Variants in ZNF638 observed in about 807,000 individuals in gnomAD.
ZNF638 encodes CTCL tumor antigen se33-1.
In ZNF638, 46 loss-of-function variants were observed where a neutral mutation model predicts 195.6. The observed-to-expected ratio is 0.24, with a 90% confidence interval of 0.19 to 0.30. ZNF638 has a LOEUF of 0.30. Ranked by LOEUF, ZNF638 falls within the 10% of genes least tolerant of loss-of-function variation. ZNF638 has a pLI of 1.00. For missense variants in ZNF638, 2,440 were observed against 2,325.3 expected (o/e 1.05, Z -1.01); for synonymous variants, 845 against 772.0 (o/e 1.09, Z -1.57).
intron 20 of ZNF638, among the ~76,000 whole-genome samples, chr2:71,410,992 C>CTCT (rs2080207335): frequency 4.1e-5 from 1 of 24,506 alleles, no homozygotes; most frequent in Non-Finnish European, 7.7e-5. Flanking sequence ...CTCCCCCCCC[C>CTCT]TTTTTTTTTT....
At chr2:71,433,918 A>C (rs2080716008) in intron 27 of ZNF638, among the ~76,000 whole-genome samples, 1 of 152,230 alleles carries the variant, frequency 6.6e-6, no homozygotes, top group South Asian at 2.1e-4. Flanking sequence ...AATAGACTTA[A>C]GGAGGTTACG....
intron 27 of ZNF638, 136 bp downstream of exon 27, chr2:71,433,419 T>C: frequency 1.6e-6 from 1 of 635,580 alleles, no homozygotes. Flanking sequence ...AGTCCTGTTT[T>C]CTCCTTCAGT....
chr2:71,396,844 G>T (rs2079903811), intron 11 of ZNF638, among the ~76,000 whole-genome samples: 1 of 152,210 alleles, frequency 6.6e-6, no homozygotes, highest in African/African-American at 2.4e-5. Flanking sequence ...CTACTGGGAA[G>T]GCTGGGGCAG....
At chr2:71,410,243 T>A (rs1429359670) in intron 20 of ZNF638, among the ~76,000 whole-genome samples, 5 of 152,228 alleles carry the variant, frequency 3.3e-5, no homozygotes, top group African/African-American at 1.2e-4. Context: ...GTGCCATGGT[T>A]CAATCATGGC....
chr2:71,360,074 A>G (rs545736984), intron 3 of ZNF638, among the ~76,000 whole-genome samples: 2 of 152,332 alleles, frequency 1.3e-5, no homozygotes, highest in East Asian at 1.9e-4. Flanking sequence ...CAATTTCCCT[A>G]CCATCATGCA....
chr2:71,355,824 A>C, intron 3 of ZNF638, 44 bp downstream of exon 3: 3 of 1,215,038 alleles, frequency 2.5e-6, no homozygotes, highest in Non-Finnish European at 3.5e-6. Flanking sequence ...ATATTTACAA[A>C]ATAGTTAATG....
chr2:71,408,938 G>T (rs1262253904), intron 20 of ZNF638, among the ~76,000 whole-genome samples: 1 of 151,948 alleles, frequency 6.6e-6, no homozygotes, highest in African/African-American at 2.4e-5. Context: ...CAAATGAGTG[G>T]CTCATTTCAC....
chr2:71,420,715 T>TTCATTTGATCGTTAAACAACC (rs2152599823), intron 21 of ZNF638, among the ~76,000 whole-genome samples: 1 of 152,342 alleles, frequency 6.6e-6, no homozygotes, highest in Admixed American at 6.5e-5. Flanking sequence ...ATTTGATCGT[T>TTCATTTGATCGTTAAACAACC]ACAAAGAGTG....
rs1035876855 is a variant in ZNF638 at position 71,406,143 on chromosome 2, A to G, written c.3016A>G (p.Ile1006Val). ...ENDPEANIDT[I>V]YDRFVHLDNL... ...AAAACTACAGGCAAACATAGATACA[A>G]TTTATGATCGATTTGTACATCTTGA... Residue 1006 changes from isoleucine (I) to valine (V), a missense_variant, in exon 19 of 28, where the codon ATT becomes GTT. Physicochemically the swap from Ile to Val is conservative, Grantham distance 29. This residue lies in a region of ZNF638 where 1,883 missense variants were observed against 1,739.1 expected (regional missense o/e 1.08). Transcript: ENST00000264447. The G allele has an allele frequency of 2.7e-5, 44 of 1,613,576 alleles. No individual in the cohort carries two copies. Among genetic ancestry groups the G allele is most frequent in the Admixed American group, 1.0e-4 (6 of 59,998 alleles).
intron 20 of ZNF638, among the ~76,000 whole-genome samples, chr2:71,410,991 C>CTT (rs1345720927): frequency 3.8e-4 from 17 of 45,308 alleles, no homozygotes; most frequent in Admixed American, 1.7e-3. Flanking sequence ...CCTCCCCCCC[C>CTT]CTTTTTTTTT....
intron 20 of ZNF638, among the ~76,000 whole-genome samples, chr2:71,416,770 G>T: frequency 1.2e-5 from 1 of 82,876 alleles, no homozygotes. Context: ...GCTGGGGGGT[G>T]CCTCCCAGTT....
chr2:71,394,010 A>G (rs1002374164), intron 10 of ZNF638, among the ~76,000 whole-genome samples: 3 of 152,328 alleles, frequency 2.0e-5, no homozygotes, highest in East Asian at 1.9e-4. Flanking sequence ...GGGCAAGGCA[A>G]TCAGTGCCAC....
intron 25 of ZNF638, chr2:71,428,862 G>T (rs760827773): frequency 1.0e-5 from 4 of 390,336 alleles, no homozygotes; most frequent in Non-Finnish European, 1.9e-5. Context: ...CAGATTAGAG[G>T]AAATGATCCT....
intron 10 of ZNF638, chr2:71,388,287 A>G (rs1435485022): frequency 2.5e-6 from 1 of 394,682 alleles, no homozygotes; most frequent in South Asian, 2.1e-5. Flanking sequence ...AGATAAGTTT[A>G]TTTACTTTTG....
chr2:71,350,577 G>A (rs1007102771), intron 2 of ZNF638, among the ~76,000 whole-genome samples: 1 of 152,106 alleles, frequency 6.6e-6, no homozygotes, highest in African/African-American at 2.4e-5. Flanking sequence ...GTACTTACAA[G>A]ACAATGTCAC....
intron 19 of ZNF638, chr2:71,407,418 C>T (rs1010355526): frequency 2.0e-5 from 3 of 152,164 alleles, no homozygotes; most frequent in Non-Finnish European, 4.4e-5. Flanking sequence ...GGATTGTTTT[C>T]TCTTGTTTCC....
At chr2:71,364,778 A>G (rs570921220) in intron 5 of ZNF638, among the ~76,000 whole-genome samples, 18 of 152,348 alleles carry the variant, frequency 1.2e-4, no homozygotes, top group South Asian at 4.1e-4. Context: ...CTGAATTCAA[A>G]TGGAGATACC....
chr2:71,352,495 T>TAAAAAAAAAAAAAAAAAAA (rs58110916), intron 2 of ZNF638, among the ~76,000 whole-genome samples: 1 of 134,630 alleles, frequency 7.4e-6, no homozygotes, highest in Admixed American at 7.3e-5. Context: ...ATAAAAAAAA[T>TAAAAAAAAAAAAAAAAAAA]AAAAAAAAAA....
At chr2:71,354,325 C>G (rs1249010644) in intron 2 of ZNF638, among the ~76,000 whole-genome samples, 1 of 137,184 alleles carries the variant, frequency 7.3e-6, no homozygotes, top group African/African-American at 2.7e-5. Flanking sequence ...GAAACTGTAT[C>G]TTTGTAAACT....
Sources: gnomAD v4.1 joint callset for allele counts (sites outside exome capture counted in the v4.1 genomes callset) on GRCh38, gnomAD v4.1.1 for gene constraint, gnomAD v4.1.1 regional missense constraint, MANE v1.5 for transcripts, NCBI Gene and HGNC (gene_info 2026-07-23, HGNC 2026-07-21) for gene names.